Variants in AGBL4 observed in about 807,000 individuals in gnomAD.
AGBL4 encodes AGBL carboxypeptidase 4, also known as cytosolic carboxypeptidase 6.
A neutral mutation model predicts 66.4 loss-of-function variants in AGBL4; 58 were observed. The observed-to-expected ratio is 0.87, with a 90% CI of 0.71 to 1.09. The LOEUF (loss-of-function observed/expected upper bound fraction) is 1.09, where lower values mean the gene tolerates loss of function less well. AGBL4 is among the 50% of genes least tolerant of loss of function. The pLI is 0.00. For missense variants in AGBL4, 579 were observed against 631.0 expected, an observed-to-expected ratio of 0.92 and a Z score of 0.88; for synonymous variants, 234 against 222.9, an observed-to-expected ratio of 1.05 and a Z score of -0.44.
chr1:48,936,112 C>A (rs944941817), intron 5 of AGBL4, among the ~76,000 whole-genome samples: 2 of 151,272 alleles, frequency 1.3e-5, no homozygotes, highest in African/African-American at 2.4e-5. Flanking sequence ...CATAGTGAGA[C>A]CCTGTCTCTA....
intron 3 of AGBL4, among the ~76,000 whole-genome samples, chr1:49,548,259 T>G (rs967380052): frequency 6.6e-6 from 1 of 152,230 alleles, no homozygotes; most frequent in African/African-American, 2.4e-5. Flanking sequence ...CAGTGACCGT[T>G]TGACTTCCTC....
intron 3 of AGBL4, among the ~76,000 whole-genome samples, chr1:49,506,315 A>G (rs1346202958): frequency 6.6e-6 from 1 of 152,094 alleles, no homozygotes; most frequent in Non-Finnish European, 1.5e-5. Context: ...ACATATAATA[A>G]TAGCAAATTA....
At chr1:48,627,054 C>A (rs1368463006) in intron 9 of AGBL4, among the ~76,000 whole-genome samples, 3 of 152,192 alleles carry the variant, frequency 2.0e-5, no homozygotes, top group East Asian at 3.9e-4. Context: ...TCACCCTCCA[C>A]AAAGTGGGTT....
At chr1:49,467,559 C>A (rs1197957830) in intron 3 of AGBL4, among the ~76,000 whole-genome samples, 2 of 151,778 alleles carry the variant, frequency 1.3e-5, no homozygotes, top group Non-Finnish European at 2.9e-5. Context: ...CAACTATGAG[C>A]AATGCAGGAC....
intron 3 of AGBL4, among the ~76,000 whole-genome samples, chr1:49,684,369 CTG>C (rs1381991741): frequency 6.6e-6 from 1 of 152,142 alleles, no homozygotes; most frequent in Non-Finnish European, 1.5e-5. Flanking sequence ...CTTTCTACAT[CTG>C]TGTTTTATTT....
At chr1:48,791,640 T>C (rs1645553019) in intron 6 of AGBL4, among the ~76,000 whole-genome samples, 1 of 152,216 alleles carries the variant, frequency 6.6e-6, no homozygotes, top group Non-Finnish European at 1.5e-5. Context: ...GGGGTTTAAA[T>C]CTCAGCTCTA....
At chr1:48,645,044 G>T (rs921118812) in intron 8 of AGBL4, among the ~76,000 whole-genome samples, 1 of 152,190 alleles carries the variant, frequency 6.6e-6, no homozygotes, top group Non-Finnish European at 1.5e-5. Flanking sequence ...CTGCTTGCAG[G>T]GACAGAGATG....
chr1:48,657,440 A>G (rs319996), intron 7 of AGBL4, among the ~76,000 whole-genome samples: 103,459 of 152,056 alleles, frequency 0.68, 36,055 homozygotes, highest in African/African-American at 0.82. Flanking sequence ...GGAGAGCTCC[A>G]TCCGGCTGCA....
At chr1:49,037,576 G>T (rs913746183) in intron 5 of AGBL4, among the ~76,000 whole-genome samples, 1 of 151,908 alleles carries the variant, frequency 6.6e-6, no homozygotes, top group Admixed American at 6.6e-5. Flanking sequence ...TTATCACAAG[G>T]AGCCATGCAA....
chr1:49,713,918 T>C (rs1003282869), intron 2 of AGBL4, among the ~76,000 whole-genome samples: 4 of 152,034 alleles, frequency 2.6e-5, no homozygotes, highest in Non-Finnish European at 5.9e-5. Context: ...CATGTGCCAC[T>C]GTGCCTGGCT....
intron 2 of AGBL4, among the ~76,000 whole-genome samples, chr1:49,774,590 T>C (rs1169139327): frequency 6.6e-6 from 1 of 152,210 alleles, no homozygotes; most frequent in Non-Finnish European, 1.5e-5. Flanking sequence ...TGCCTAGATA[T>C]CCAGTTTTAA....
At chr1:49,165,084 TGTCC>T (rs1228032415) in intron 4 of AGBL4, among the ~76,000 whole-genome samples, 1 of 152,096 alleles carries the variant, frequency 6.6e-6, no homozygotes, top group Admixed American at 6.6e-5. Flanking sequence ...GACAATGACA[TGTCC>T]ATCTGGTTGG....
intron 1 of AGBL4, among the ~76,000 whole-genome samples, chr1:49,948,380 AAT>A (rs1170851894): frequency 2.8e-4 from 33 of 118,582 alleles, no homozygotes; most frequent in African/African-American, 7.1e-4. Flanking sequence ...AAAATATATA[AAT>A]ATATATAAAT....
intron 5 of AGBL4, among the ~76,000 whole-genome samples, chr1:48,971,125 G>C (rs1658867044): frequency 1.3e-5 from 2 of 152,084 alleles, no homozygotes. Flanking sequence ...CCCAGCCTTG[G>C]ACAGGTACTG....
chr1:49,985,515 A>T (rs1659425959), intron 1 of AGBL4, among the ~76,000 whole-genome samples: 1 of 152,162 alleles, frequency 6.6e-6, no homozygotes, highest in South Asian at 2.1e-4. Flanking sequence ...AAGTTCTGTT[A>T]TAAGGCAGTA....
intron 3 of AGBL4, among the ~76,000 whole-genome samples, chr1:49,488,760 T>G (rs1647123978): frequency 6.6e-6 from 1 of 151,914 alleles, no homozygotes; most frequent in African/African-American, 2.4e-5. Flanking sequence ...TAAATTGTTT[T>G]AATTTTTAGC....
chr1:49,355,544 G>C (rs991922139), intron 3 of AGBL4, among the ~76,000 whole-genome samples: 1 of 152,100 alleles, frequency 6.6e-6, no homozygotes, highest in African/African-American at 2.4e-5. Flanking sequence ...ATGAAAGTGT[G>C]TATCAAAACA....
At chr1:49,372,259 A>T (rs540679980) in intron 3 of AGBL4, among the ~76,000 whole-genome samples, 40 of 152,334 alleles carry the variant, frequency 2.6e-4, no homozygotes, top group African/African-American at 9.6e-4. Flanking sequence ...ATAGTTGAGC[A>T]TAAAAGAGTC....
chr1:49,756,162 A>C (rs1375166692), intron 2 of AGBL4, among the ~76,000 whole-genome samples: 1 of 152,134 alleles, frequency 6.6e-6, no homozygotes, highest in Non-Finnish European at 1.5e-5. Context: ...AGATATTTTG[A>C]CTTCTGATGT....
Sources: allele counts gnomAD v4.1 joint callset (sites outside exome capture counted in the v4.1 genomes callset), GRCh38; gene constraint gnomAD v4.1.1; transcripts MANE v1.5; gene names NCBI Gene and HGNC (gene_info 2026-07-23, HGNC 2026-07-21).